Variants in SLC10A7 observed in about 807,000 individuals in gnomAD.
SLC10A7 encodes sodium/bile acid cotransporter 7.
A neutral mutation model predicts 43.2 loss-of-function variants in SLC10A7; 29 were observed. The ratio of observed to expected loss-of-function variants is 0.67; its 90% CI spans 0.50 to 0.92. The LOEUF (loss-of-function observed/expected upper bound fraction) is 0.92. Ranked by LOEUF, SLC10A7 falls within the 40% of genes least tolerant of loss-of-function variation. The probability of loss-of-function intolerance (pLI) is 0.00; values close to 1 mark genes in which losing one functional copy is unlikely to be tolerated. For missense variants in SLC10A7, 295 were observed against 403.2 expected (o/e 0.73, Z 2.30); for synonymous variants, 152 against 144.8 (o/e 1.05, Z -0.35).
chr4:146,500,143 T>G (rs1418313779), intron 4 of SLC10A7, among the ~76,000 whole-genome samples: 4 of 152,226 alleles, frequency 2.6e-5, no homozygotes, highest in African/African-American at 9.6e-5. Flanking sequence ...AATCTTTGGT[T>G]AAATCCAGCT....
intron 6 of SLC10A7, among the ~76,000 whole-genome samples, chr4:146,319,109 G>C (rs1732519588): frequency 6.6e-6 from 1 of 151,996 alleles, no homozygotes; most frequent in South Asian, 2.1e-4. Flanking sequence ...CCCATTTAAT[G>C]GTTTCCTGTC....
At chr4:146,499,142 T>C (rs1250141306) in intron 4 of SLC10A7, among the ~76,000 whole-genome samples, 17 of 152,090 alleles carry the variant, frequency 1.1e-4, no homozygotes, top group Admixed American at 1.1e-3. Flanking sequence ...TACATGAGCA[T>C]CAACTAAATG....
rs752381573 is a variant in SLC10A7 at position 146,290,323 on chromosome 4, C to CAAAAAAA, written c.773+2605_773+2606insTTTTTTT. Among the ~76,000 whole-genome samples, 3 of 42,544 alleles carry CAAAAAAA rather than the reference C, an allele frequency of 7.1e-5. 1 individual carries two copies. The highest frequency in any genetic ancestry group is 2.3e-4 in the African/African-American group (2 of 8,648). The allele number at this position is 42,544 out of a possible 152,430, so 27.9% of individuals were successfully genotyped here. On this transcript the variant is annotated intron_variant, in intron 9 of 11. Coordinates refer to ENST00000335472, the MANE Select transcript of SLC10A7 (RefSeq NM_001029998.6). ...TGGGCGATAGAGCAAGACTCCATCT[C>CAAAAAAA]AAAAAAGAAAAAAAAAAAAAAAAAG...
chr4:146,375,707 T>A (rs1177833326), intron 5 of SLC10A7, among the ~76,000 whole-genome samples: 1 of 152,178 alleles, frequency 6.6e-6, no homozygotes, highest in Non-Finnish European at 1.5e-5. Flanking sequence ...CTAGTGTTTT[T>A]CCTATTCTCA....
intron 5 of SLC10A7, among the ~76,000 whole-genome samples, chr4:146,355,128 C>T (rs1461244662): frequency 6.8e-6 from 1 of 147,258 alleles, no homozygotes; most frequent in Non-Finnish European, 1.5e-5. Context: ...AAAATTTTCG[C>T]AACCTACTCA....
At chr4:146,394,197 T>A (rs1292898133) in intron 5 of SLC10A7, among the ~76,000 whole-genome samples, 1 of 152,202 alleles carries the variant, frequency 6.6e-6, no homozygotes, top group Non-Finnish European at 1.5e-5. Context: ...ATTCTCATAA[T>A]CCATGGTTAT....
chr4:146,293,921 C>G lies in SLC10A7; in HGVS notation c.721+9G>C, dbSNP rs778504390. 1.9e-5 allele frequency: 31 copies of G among 1,599,744 alleles called. 1 individual carries two copies. The South Asian group carries it at 3.5e-4, about 18-fold the overall frequency. On this transcript the variant is annotated intron_variant, in intron 8 of 11. Transcript: ENST00000335472. ...AGGGATAGCCAGGCTATCCCATTTTCCAACTTACTTATGAACAGTATGAGA... is the reference window on the plus strand; with the variant it reads ...AGGGATAGCCAGGCTATCCCATTTTGCAACTTACTTATGAACAGTATGAGA...
At chr4:146,395,558 AATAG>A (rs1194975285) in intron 5 of SLC10A7, among the ~76,000 whole-genome samples, 4 of 152,192 alleles carry the variant, frequency 2.6e-5, no homozygotes, top group East Asian at 1.9e-4. Context: ...TGGTGCACCT[AATAG>A]ATAGAACAAT....
At chr4:146,342,161 A>C (rs1734310342) in intron 5 of SLC10A7, among the ~76,000 whole-genome samples, 1 of 151,686 alleles carries the variant, frequency 6.6e-6, no homozygotes, top group South Asian at 2.1e-4. Context: ...ATCTTTTCCC[A>C]CTTCTCTATA....
chr4:146,416,752 C>A (rs1728593795), intron 5 of SLC10A7, among the ~76,000 whole-genome samples: 1 of 152,146 alleles, frequency 6.6e-6, no homozygotes, highest in Non-Finnish European at 1.5e-5. Flanking sequence ...TTCAATGACC[C>A]ACAAGGTCCT....
At chr4:146,348,435 G>A (rs1253613700) in intron 5 of SLC10A7, among the ~76,000 whole-genome samples, 1 of 152,114 alleles carries the variant, frequency 6.6e-6, no homozygotes, top group African/African-American at 2.4e-5. Flanking sequence ...GGATAGCTGG[G>A]GTAGCAGCTG....
chr4:146,502,445 A>C (rs964801319), intron 4 of SLC10A7, among the ~76,000 whole-genome samples: 1 of 152,218 alleles, frequency 6.6e-6, no homozygotes, highest in East Asian at 1.9e-4. Flanking sequence ...GAGACTTATA[A>C]CTATTTATAG....
chr4:146,495,766 A>AACACACACACACACACAC (rs57202992), intron 4 of SLC10A7, among the ~76,000 whole-genome samples: 4 of 139,628 alleles, frequency 2.9e-5, no homozygotes, highest in African/African-American at 5.3e-5. Context: ...GATGAAAGTA[A>AACACACACACACACACAC]ACACACACAC....
chr4:146,262,671 C>T (rs778582935), intron 10 of SLC10A7, among the ~76,000 whole-genome samples: 1 of 152,186 alleles, frequency 6.6e-6, no homozygotes, highest in Admixed American at 6.5e-5. Context: ...TCCTGGGAAG[C>T]GTGATTTGAC....
chr4:146,436,574 T>C (rs1163990568), intron 5 of SLC10A7, among the ~76,000 whole-genome samples: 1 of 152,112 alleles, frequency 6.6e-6, no homozygotes, highest in African/African-American at 2.4e-5. Context: ...GATGGCGTGA[T>C]TGAGAAGCGA....
intron 6 of SLC10A7, among the ~76,000 whole-genome samples, chr4:146,320,795 A>C (rs910345957): frequency 7.2e-5 from 11 of 152,150 alleles, no homozygotes; most frequent in African/African-American, 2.6e-4. Flanking sequence ...AACAAAGAGG[A>C]GTAGCAGGTG....
At chr4:146,503,695 C>T (rs1736629543) in intron 4 of SLC10A7, among the ~76,000 whole-genome samples, 154 bp downstream of exon 4, 1 of 152,184 alleles carries the variant, frequency 6.6e-6, no homozygotes, top group Non-Finnish European at 1.5e-5. Flanking sequence ...ATTTTAGCAT[C>T]ATGCTAGTAT....
intron 5 of SLC10A7, among the ~76,000 whole-genome samples, chr4:146,380,860 T>C (rs1737565406): frequency 6.6e-6 from 1 of 152,174 alleles, no homozygotes; most frequent in Non-Finnish European, 1.5e-5. Flanking sequence ...GTACGATGTT[T>C]ATCTTGATTC....
intron 4 of SLC10A7, among the ~76,000 whole-genome samples, chr4:146,460,463 A>G (rs981746457): frequency 6.6e-6 from 1 of 152,000 alleles, no homozygotes; most frequent in African/African-American, 2.4e-5. Flanking sequence ...TAAAGAAATT[A>G]TGGTACATTC....
Sources: gnomAD v4.1 joint callset for allele counts (sites outside exome capture counted in the v4.1 genomes callset) on GRCh38, gnomAD v4.1.1 for gene constraint, MANE v1.5 for transcripts, NCBI Gene and HGNC (gene_info 2026-07-23, HGNC 2026-07-21) for gene names.